The following NDUFA10 variants were observed in gnomAD, a reference collection of about 807,000 sequenced individuals.
NDUFA10 encodes the protein NADH dehydrogenase [ubiquinone] 1 alpha subcomplex subunit 10, mitochondrial.
Under a neutral mutation model 47.8 loss-of-function variants are expected in NDUFA10, and 40 were observed. That is an observed-to-expected ratio of 0.84 (90% CI 0.65 to 1.09). The LOEUF is 1.09. NDUFA10 is among the 50% of genes least tolerant of loss of function. The pLI is 0.00. For synonymous variants in NDUFA10, 183 were observed against 172.2 expected (o/e 1.06, Z -0.49); for missense variants, 413 against 451.1 (o/e 0.92, Z 0.76).
intron 3 of NDUFA10, among the ~76,000 whole-genome samples, chr2:240,019,818 C>CAAAAAAAAAAAAA (rs60278142): frequency 8.2e-5 from 1 of 12,208 alleles, no homozygotes; most frequent in Non-Finnish European, 1.4e-4. Flanking sequence ...GACTCCGTCT[C>CAAAAAAAAAAAAA]AAAAAAAAAA....
chr2:239,963,785 G>A (rs1574817716), intron 9 of NDUFA10, among the ~76,000 whole-genome samples: 2 of 152,330 alleles, frequency 1.3e-5, no homozygotes, highest in East Asian at 3.9e-4. Context: ...CCAGGGTGCT[G>A]GACAAGAGAA....
At chr2:239,996,015 C>T (rs142210515) in intron 8 of NDUFA10, among the ~76,000 whole-genome samples, 1 of 152,042 alleles carries the variant, frequency 6.6e-6, no homozygotes, top group African/African-American at 2.4e-5. Flanking sequence ...TCTCAGTAAC[C>T]GACAGATCCA....
At position 240,018,669 on chromosome 2, in the gene NDUFA10, A is replaced by C. The variant is rs761582036; in HGVS notation, c.461-30T>G. On this transcript the variant is annotated intron_variant, in intron 3 of 9. Transcript: ENST00000252711. Reference sequence around the variant, plus strand: ...TTAAACATAGGCAAACAGAAATTGAAAATCAGACAGATAGCAAAGCACTGT... The same window carrying C: ...TTAAACATAGGCAAACAGAAATTGACAATCAGACAGATAGCAAAGCACTGT... 2.6e-4 allele frequency: 414 copies of C among 1,610,464 alleles called. 15 individuals carry two copies. In the Admixed American group the frequency reaches 6.8e-3, roughly 26 times the overall value.
intron 4 of NDUFA10, among the ~76,000 whole-genome samples, chr2:239,951,634 G>A (rs1032242626): frequency 6.6e-6 from 1 of 152,206 alleles, no homozygotes; most frequent in Non-Finnish European, 1.5e-5. Flanking sequence ...ACAGCCGGGC[G>A]TGGAGAGTCA....
intron 1 of NDUFA10, among the ~76,000 whole-genome samples, chr2:240,024,800 G>A (rs1004284025): frequency 6.6e-6 from 1 of 152,168 alleles, no homozygotes; most frequent in African/African-American, 2.4e-5. Context: ...AAAAGGAAGC[G>A]GACACAAGCA....
At chr2:239,902,451 T>A (rs1286726199) in intron 4 of NDUFA10, among the ~76,000 whole-genome samples, 1 of 152,234 alleles carries the variant, frequency 6.6e-6, no homozygotes, top group Non-Finnish European at 1.5e-5. Flanking sequence ...ATTGTTTTTG[T>A]GAGACATAAT....
At chr2:239,990,313 A>G (rs1244509054) in intron 8 of NDUFA10, 131 bp from the exon 9 acceptor site, 4 of 742,850 alleles carry the variant, frequency 5.4e-6, no homozygotes, top group South Asian at 1.5e-5. Flanking sequence ...TTCGTTGCCA[A>G]GCAATCATCC....
rs534106994 is a variant in NDUFA10 at position 239,943,376 on chromosome 2, G to C, written c.294+46698C>G. On this transcript the variant is annotated intron_variant, in intron 4 of 5. Transcript: ENST00000419408. ...GATGGGGTCTCACAGTGCCACACAG[G>C]CTGGATGGAGTGCAGTGGCGCAATC... 8.5e-5 allele frequency among the ~76,000 whole-genome samples: 13 copies of C among 152,240 alleles called. No homozygotes were observed. The South Asian group carries it at 2.7e-3, about 32-fold the overall frequency.
Position 239,960,879 on chromosome 2 carries a change from A to G in NDUFA10, c.*239T>C. The G allele has an allele frequency of 7.1e-7, 1 of 1,413,604 alleles. No homozygotes were observed. Among genetic ancestry groups the G allele is most frequent in the Non-Finnish European group, 9.3e-7 (1 of 1,078,164 alleles). 87.6% of individuals were successfully genotyped at this position (1,413,604 alleles called of 1,614,324 possible). A position where few individuals can be genotyped will look rare whatever the true frequency, so the allele number is the denominator to read the frequency against. ...AGCAGACCACTGTTTTCCAGTGAGA[A>G]TGGTGGGCCATTCCAAAACAAAGCT... On this transcript the variant is annotated 3_prime_UTR_variant, in exon 10 of 10. Transcript: ENST00000252711.
chr2:240,013,883 CAT>C (rs1220943549), intron 5 of NDUFA10: 3 of 152,174 alleles, frequency 2.0e-5, no homozygotes, highest in Non-Finnish European at 2.9e-5. Context: ...GAAAAAATAA[CAT>C]AGTATTAAAC....
chr2:240,011,626 G>A lies in NDUFA10; in HGVS notation c.740C>T (p.Pro247Leu), dbSNP rs1252627102. Residue 247 changes from proline to leucine, a missense_variant, in exon 6 of 10, where the codon CCT (proline) becomes CTT (leucine). Transcript: ENST00000252711. ...IENAYKKTFL[P>L]EMSEKCEVLQ... ...CGTGTGTTTGGCTCACCTCATCTCAGGGAGAAAGGTTTTCTTATAGGCATT... is the reference window on the plus strand; with the variant it reads ...CGTGTGTTTGGCTCACCTCATCTCAAGGAGAAAGGTTTTCTTATAGGCATT... 1 of 1,611,540 alleles carries A rather than the reference G, an allele frequency of 6.2e-7. No individual in the cohort carries two copies. The highest frequency in any genetic ancestry group is 8.5e-7 in the Non-Finnish European group (1 of 1,177,634).
chr2:240,014,324 C>G (rs963926128), intron 5 of NDUFA10: 1 of 304,002 alleles, frequency 3.3e-6, no homozygotes, highest in Non-Finnish European at 6.5e-6. Flanking sequence ...GCACGATTTG[C>G]GTTAAATAGA....
At position 239,969,117 on chromosome 2, in the gene NDUFA10, G is replaced by A. The variant is rs563041034; in HGVS notation, c.1000-7931C>T. 2.0e-4 allele frequency among the ~76,000 whole-genome samples: 30 copies of A among 152,254 alleles called. No homozygotes were observed. In the East Asian group the frequency reaches 2.1e-3, roughly 11 times the overall value. On this transcript the variant is annotated intron_variant, in intron 9 of 9. Coordinates refer to ENST00000252711, the MANE Select transcript of NDUFA10 (RefSeq NM_004544.4). ...ATGGCAAAGCAATGAGACATCTCTC[G>A]GCGTATGAAACAGGAAAATGTAACC...
At chr2:240,008,955 G>C (rs1364013135) in intron 6 of NDUFA10, among the ~76,000 whole-genome samples, 1 of 152,224 alleles carries the variant, frequency 6.6e-6, no homozygotes, top group African/African-American at 2.4e-5. Context: ...CCTTGTGAAA[G>C]GAGGCCTAAA....
At chr2:239,974,313 T>C (rs1695423483) in intron 9 of NDUFA10, among the ~76,000 whole-genome samples, 1 of 152,184 alleles carries the variant, frequency 6.6e-6, no homozygotes. Flanking sequence ...GACAGGTGCC[T>C]GAGAGCCATC....
At chr2:239,914,394 CATACACAGACACACACAA>C (rs1344106092) in intron 4 of NDUFA10, among the ~76,000 whole-genome samples, 1 of 150,682 alleles carries the variant, frequency 6.6e-6, no homozygotes, top group East Asian at 1.9e-4. Flanking sequence ...CACACACATA[CATACACAGACACACACAA>C]ATATACAGAC....
intron 4 of NDUFA10, among the ~76,000 whole-genome samples, chr2:239,900,582 A>AAAG (rs1693526341): frequency 6.6e-6 from 1 of 150,824 alleles, no homozygotes; most frequent in South Asian, 2.1e-4. Context: ...TCCATAGGAA[A>AAAG]AAAAAAACCC....
chr2:239,933,771 C>T (rs1694217888), intron 4 of NDUFA10, among the ~76,000 whole-genome samples: 2 of 152,064 alleles, frequency 1.3e-5, no homozygotes, highest in Admixed American at 6.5e-5. Flanking sequence ...AACAGGGGCA[C>T]GTCCCAAAAT....
At chr2:239,921,421 C>T (rs1043362815) in intron 4 of NDUFA10, among the ~76,000 whole-genome samples, 1 of 152,126 alleles carries the variant, frequency 6.6e-6, no homozygotes, top group Non-Finnish European at 1.5e-5. Context: ...AGCTTTTATT[C>T]CCTTATTTGT....
Sources: allele counts gnomAD v4.1 joint callset (sites outside exome capture counted in the v4.1 genomes callset), GRCh38; gene constraint gnomAD v4.1.1; transcripts MANE v1.5; gene names NCBI Gene and HGNC (gene_info 2026-07-23, HGNC 2026-07-21).